Variants in ZFYVE28 observed in about 807,000 individuals in gnomAD.
ZFYVE28 encodes lateral signaling target protein 2 homolog.
A neutral mutation model predicts 82.1 loss-of-function variants in ZFYVE28; 40 were observed. That is an observed-to-expected ratio of 0.49 (90% CI 0.38 to 0.63). The LOEUF (loss-of-function observed/expected upper bound fraction) is 0.63, where lower values mean the gene tolerates loss of function less well. Among genes scored for constraint, ZFYVE28 ranks in the 30% least tolerant of loss-of-function variants. The probability of loss-of-function intolerance (pLI) is 0.00; values close to 1 mark genes in which losing one functional copy is unlikely to be tolerated. For synonymous variants in ZFYVE28, 612 were observed against 546.1 expected, an observed-to-expected ratio of 1.12 and a Z score of -1.68; for missense variants, 1,321 against 1,242.1, an observed-to-expected ratio of 1.06 and a Z score of -0.96.
At chr4:2,368,475 T>C (rs1019579361) in intron 1 of ZFYVE28, among the ~76,000 whole-genome samples, 3 of 151,444 alleles carry the variant, frequency 2.0e-5, no homozygotes, top group South Asian at 4.2e-4. Context: ...TTCCAGAACA[T>C]TTTCATCACC....
intron 12 of ZFYVE28, 176 bp downstream of exon 12, chr4:2,271,135 C>T: frequency 1.3e-6 from 1 of 760,842 alleles, no homozygotes; most frequent in Non-Finnish European, 2.1e-6. Flanking sequence ...CATCCAGGTT[C>T]CCGTGGTCAA....
At chr4:2,306,827 T>A (rs934125997) in intron 7 of ZFYVE28, 1 of 152,266 alleles carries the variant, frequency 6.6e-6, no homozygotes, top group South Asian at 2.1e-4. Context: ...TCATTCATTC[T>A]TGTGGCTGCA....
intron 1 of ZFYVE28, among the ~76,000 whole-genome samples, chr4:2,361,446 G>A (rs771948042): frequency 2.0e-5 from 3 of 152,168 alleles, no homozygotes; most frequent in Non-Finnish European, 4.4e-5. Flanking sequence ...AGCTCAGCCC[G>A]TCTGACCCAC....
At chr4:2,404,601 T>A (rs1446500503) in intron 1 of ZFYVE28, among the ~76,000 whole-genome samples, 2 of 152,174 alleles carry the variant, frequency 1.3e-5, no homozygotes, top group African/African-American at 2.4e-5. Context: ...AGCATATGAC[T>A]CCTTTTATAC....
chr4:2,416,110 C>T lies in ZFYVE28; in HGVS notation c.39+2175G>A, dbSNP rs1733011250. 6.6e-6 allele frequency among the ~76,000 whole-genome samples: 1 copy of T among 152,212 alleles called. No individual in the cohort carries two copies. Among genetic ancestry groups the T allele is most frequent in the South Asian group, 2.1e-4 (1 of 4,830 alleles). ...GGATCAGCTGATTCACTGGCTGTGC[C>T]CTCTTGGTGCCCGCCGCCTGCCTGG... On this transcript the variant is annotated intron_variant, in intron 1 of 12. Transcript: ENST00000290974. This position sits in a 1 kb window ranked among gnomAD's most constrained non-coding sequence, Gnocchi z 4.6.
intron 8 of ZFYVE28, among the ~76,000 whole-genome samples, chr4:2,276,756 G>C (rs569757672): frequency 6.6e-6 from 1 of 152,116 alleles, no homozygotes; most frequent in African/African-American, 2.4e-5. Context: ...CCTGAGAGCC[G>C]TCACGTTCAT....
chr4:2,304,792 C>T lies in ZFYVE28; in HGVS notation c.1548G>A (p.Thr516=), dbSNP rs368978945. 1.6e-5 allele frequency: 25 copies of T among 1,612,526 alleles called. No homozygotes were observed. The highest frequency in any genetic ancestry group is 1.6e-4 in the Middle Eastern group (1 of 6,084). Residue 516 remains threonine (T), a synonymous_variant, in exon 8 of 13, where the codon ACG becomes ACA. Transcript: ENST00000290974. The part of the protein sequence containing the change: ...HRTGGMKLSA[T]VIFNPKSPTS... The stretch of plus-strand genomic sequence containing the variant: ...TGGGCGATTTGGGGTTGAAGATGAC[C>T]GTGGCTGAGAGCTTCATGCCCCCTG...
In ZFYVE28 at chr4:2,418,139, T is replaced by G; in HGVS notation, c.39+146A>C. 1.6e-6 allele frequency: 1 copy of G among 631,076 alleles called. No homozygotes were observed. Among genetic ancestry groups the G allele is most frequent in the South Asian group, 2.3e-5 (1 of 42,558 alleles). The allele number at this position is 631,076 out of a possible 1,614,324, so 39.1% of individuals were successfully genotyped here. The stretch of plus-strand genomic sequence containing the variant: ...GGGCGATGAAGATCTGTCCAAGTCT[T>G]GGAGTGGAGGGAAGGATGTCGGCGG... On this transcript the variant is annotated intron_variant, in intron 1 of 12. Coordinates refer to ENST00000290974, the MANE Select transcript of ZFYVE28 (RefSeq NM_020972.3). This position sits in a 1 kb window ranked among gnomAD's most constrained non-coding sequence, Gnocchi z 4.6.
At chr4:2,271,036 C>T in intron 12 of ZFYVE28, 180 bp from the exon 13 acceptor site, 1 of 926,902 alleles carries the variant, frequency 1.1e-6, no homozygotes, top group African/African-American at 1.7e-5. Context: ...GGTCCACGTC[C>T]TGCACCAAGG....
intron 6 of ZFYVE28, chr4:2,330,851 G>A (rs750977533): frequency 1.3e-6 from 2 of 1,535,432 alleles, no homozygotes; most frequent in South Asian, 2.4e-5. Flanking sequence ...TGGGGACTGG[G>A]GAGAGAGGAC....
intron 6 of ZFYVE28, among the ~76,000 whole-genome samples, chr4:2,321,964 G>A (rs1237604344): frequency 1.3e-5 from 2 of 152,194 alleles, no homozygotes; most frequent in African/African-American, 4.8e-5. Context: ...TTCATCAGGA[G>A]GCTCAGACCC....
chr4:2,362,431 A>C lies in ZFYVE28; in HGVS notation c.40-8358T>G, dbSNP rs1726287831. 6.6e-6 allele frequency among the ~76,000 whole-genome samples: 1 copy of C among 151,988 alleles called. No individual in the cohort carries two copies. Among genetic ancestry groups the C allele is most frequent in the African/African-American group, 2.4e-5 (1 of 41,376 alleles). On this transcript the variant is annotated intron_variant, in intron 1 of 12. Transcript: ENST00000290974. The surrounding 1 kb of genome is among the most constrained non-coding windows in gnomAD (Gnocchi z 5.1). ...TCCTCAGCCCTCACCATGACCAACT[A>C]ATGGCCGAGCAAGCCCCTCCACCCC...
intron 8 of ZFYVE28, among the ~76,000 whole-genome samples, chr4:2,282,390 G>A (rs1712081777): frequency 6.6e-6 from 1 of 152,184 alleles, no homozygotes; most frequent in Non-Finnish European, 1.5e-5. Context: ...ACAGGACAGT[G>A]GCCAGGTTTC....
At chr4:2,412,871 C>G (rs1732663127) in intron 1 of ZFYVE28, among the ~76,000 whole-genome samples, 2 of 152,238 alleles carry the variant, frequency 1.3e-5, no homozygotes, top group African/African-American at 4.8e-5. Flanking sequence ...CCTAAAGACA[C>G]TCAGCCTGTG....
rs1192483260 is a variant in ZFYVE28, at chr4:2,301,934, G to A, written c.2051+2355C>T. Among the ~76,000 whole-genome samples the A allele has an allele frequency of 2.6e-5, 4 of 152,316 alleles. No homozygotes were observed. The East Asian group carries it at 5.8e-4, about 22-fold the overall frequency. Reference sequence around the variant, plus strand: ...CGCGCGAGGCTGTTCATCGTGGCACGTCTGTGACAGGAAAAGCCTGGAAAC... The same window carrying A: ...CGCGCGAGGCTGTTCATCGTGGCACATCTGTGACAGGAAAAGCCTGGAAAC... On this transcript the variant is annotated intron_variant, in intron 8 of 12. Transcript: ENST00000290974.
chr4:2,380,083 A>G (rs1350872868), intron 1 of ZFYVE28, among the ~76,000 whole-genome samples: 1 of 152,238 alleles, frequency 6.6e-6, no homozygotes, highest in East Asian at 1.9e-4. Context: ...CACTGCAATT[A>G]CTTTTGCAAC....
At chr4:2,325,733 C>G (rs1719769995) in intron 6 of ZFYVE28, among the ~76,000 whole-genome samples, 1 of 151,752 alleles carries the variant, frequency 6.6e-6, no homozygotes, top group Non-Finnish European at 1.5e-5. Flanking sequence ...TCCGAAGTGG[C>G]TGGGACTACA....
rs1194825498 is a variant in ZFYVE28 at position 2,408,597 on chromosome 4, G to A, written c.39+9688C>T. On this transcript the variant is annotated intron_variant, in intron 1 of 12. Transcript: ENST00000290974. This position sits in a 1 kb window ranked among gnomAD's most constrained non-coding sequence, Gnocchi z 4.3. ...GCCCAGTTGGGCCCCGCCCAGGTAAGCCCCATCTAGATGAAGCCCCACCCA... is the reference window on the plus strand; with the variant it reads ...GCCCAGTTGGGCCCCGCCCAGGTAAACCCCATCTAGATGAAGCCCCACCCA... Among the ~76,000 whole-genome samples, 1 of 152,098 alleles carries A rather than the reference G, an allele frequency of 6.6e-6. No homozygotes were observed. The highest frequency in any genetic ancestry group is 1.5e-5 in the Non-Finnish European group (1 of 68,012).
At chr4:2,403,190 T>C (rs903144021) in intron 1 of ZFYVE28, among the ~76,000 whole-genome samples, 1 of 152,072 alleles carries the variant, frequency 6.6e-6, no homozygotes, top group Non-Finnish European at 1.5e-5. Flanking sequence ...GAGCCCCAGC[T>C]CCTCACAGAT....
Sources: allele counts gnomAD v4.1 joint callset (sites outside exome capture counted in the v4.1 genomes callset), GRCh38; gene constraint gnomAD v4.1.1; non-coding constraint Gnocchi (gnomAD v3.1); transcripts MANE v1.5; gene names NCBI Gene and HGNC (gene_info 2026-07-23, HGNC 2026-07-21).